PPAT: variants seen among roughly 807,000 people sequenced by gnomAD.
The protein encoded by PPAT is phosphoribosyl pyrophosphate amidotransferase.
Under a neutral mutation model 60.2 loss-of-function variants are expected in PPAT, and 20 were observed. The observed-to-expected ratio is 0.33, with a 90% CI of 0.23 to 0.48. The LOEUF is 0.48. Ranked by LOEUF, PPAT falls within the 20% of genes least tolerant of loss-of-function variation. PPAT has a pLI of 0.99. For missense variants in PPAT, 349 were observed against 629.6 expected (o/e 0.55, Z 4.77); for synonymous variants, 194 against 215.1 (o/e 0.90, Z 0.86).
intron 3 of PPAT, chr4:56,403,952 C>T (rs566276002): frequency 1.0e-5 from 4 of 401,812 alleles, no homozygotes; most frequent in Non-Finnish European, 2.0e-5. Context: ...TGGGGAGCAC[C>T]TATAAATACA....
rs28594232 is a variant in PPAT, at chr4:56,402,850, G to A, written c.661+190C>T. Among the ~76,000 whole-genome samples, 109 of 41,136 alleles carry A rather than the reference G, an allele frequency of 2.6e-3. 3 individuals carry two copies. The highest frequency in any genetic ancestry group is 1.0e-2 in the African/African-American group (102 of 10,212). 27.0% of individuals were successfully genotyped at this position (41,136 alleles called of 152,430 possible). ...AAAAAAAAAAAAAAAAAAAAAAAAGGGGGGGGACTCATCCTCAGGAGTACT... is the reference window on the plus strand; with the variant it reads ...AAAAAAAAAAAAAAAAAAAAAAAAGAGGGGGGACTCATCCTCAGGAGTACT... On this transcript the variant is annotated intron_variant, in intron 5 of 10. Transcript: ENST00000264220.
In PPAT at chr4:56,399,405, T is replaced by C; in HGVS notation, c.1015-5A>G. The C allele has an allele frequency of 6.2e-7, 1 of 1,603,964 alleles. No homozygotes were observed. Among genetic ancestry groups the C allele is most frequent in the Non-Finnish European group, 8.5e-7 (1 of 1,171,150 alleles). ...CTCCACATATGGAAGTCCACACTGA[T>C]AGAGAAGAAATGAAAGGATAATGAG... On this transcript the variant is annotated splice_polypyrimidine_tract_variant and splice_region_variant and intron_variant, in intron 8 of 10. Transcript: ENST00000264220.
chr4:56,419,099 G>C (rs1051534859), intron 1 of PPAT, among the ~76,000 whole-genome samples: 4 of 152,200 alleles, frequency 2.6e-5, no homozygotes, highest in Admixed American at 1.3e-4. Context: ...CTGGGGATGA[G>C]GGATGAGGCA....
intron 1 of PPAT, chr4:56,421,679 C>G (rs1288530649): frequency 6.6e-6 from 1 of 152,196 alleles, no homozygotes; most frequent in Non-Finnish European, 1.5e-5. Flanking sequence ...TGAGAAATCT[C>G]AAAATATTTC....
chr4:56,432,741 C>CG (rs1355785810), intron 1 of PPAT, among the ~76,000 whole-genome samples: 1 of 147,658 alleles, frequency 6.8e-6, no homozygotes, highest in Non-Finnish European at 1.5e-5. Context: ...GGGGAGACTG[C>CG]GCCACTGAAC....
In PPAT at chr4:56,419,815, T is replaced by C. The variant is rs141920038; in HGVS notation, c.129-12099A>G. The C allele has an allele frequency of 6.2e-4, 614 of 984,648 alleles. 3 individuals carry two copies. In the African/African-American group the frequency reaches 9.9e-3, roughly 16 times the overall value. 61.0% of individuals were successfully genotyped at this position (984,648 alleles called of 1,614,324 possible). A position where few individuals can be genotyped will look rare whatever the true frequency, so the allele number is the denominator to read the frequency against. On this transcript the variant is annotated intron_variant, in intron 1 of 10. Coordinates refer to ENST00000264220, the MANE Select transcript of PPAT (RefSeq NM_002703.5). ...CAAATTGCAGCCAAGCTTCAGAAAT[T>C]TGGAATAGACAGAGACTGGAAACAG...
At chr4:56,419,375 A>G (rs2110056181) in intron 1 of PPAT, among the ~76,000 whole-genome samples, 1 of 152,308 alleles carries the variant, frequency 6.6e-6, no homozygotes, top group South Asian at 2.1e-4. Context: ...GGTATACAGG[A>G]AAGATGATCA....
intron 1 of PPAT, among the ~76,000 whole-genome samples, chr4:56,432,081 A>G (rs1321212611): frequency 2.0e-5 from 3 of 152,204 alleles, no homozygotes; most frequent in Non-Finnish European, 4.4e-5. Flanking sequence ...TTGATACTCT[A>G]TTTATTTTTA....
chr4:56,411,669 A>C (rs1716470377), intron 1 of PPAT, among the ~76,000 whole-genome samples: 1 of 152,238 alleles, frequency 6.6e-6, no homozygotes, highest in African/African-American at 2.4e-5. Context: ...TTATTCAAAA[A>C]TCTGTAATAC....
chr4:56,406,716 A>T lies in PPAT; in HGVS notation c.196-15T>A. The T allele has an allele frequency of 6.3e-7, 1 of 1,582,922 alleles. No homozygotes were observed. Among genetic ancestry groups the T allele is most frequent in the East Asian group, 2.2e-5 (1 of 44,634 alleles). On this transcript the variant is annotated splice_polypyrimidine_tract_variant and intron_variant, in intron 2 of 10. Coordinates refer to ENST00000264220, the MANE Select transcript of PPAT (RefSeq NM_002703.5). Reference sequence around the variant, plus strand: ...AGACCCATTCCCTTGAGAAATCAAAAAGTGCAACTTAGAAAAAAACAGACT... The same window carrying T: ...AGACCCATTCCCTTGAGAAATCAAATAGTGCAACTTAGAAAAAAACAGACT...
chr4:56,410,899 T>TAAAA (rs35668849), intron 1 of PPAT: 128 of 678,524 alleles, frequency 1.9e-4, no homozygotes, highest in East Asian at 1.0e-3. Flanking sequence ...CCACTGAAGG[T>TAAAA]AAAAAAAAAA....
intron 3 of PPAT, chr4:56,404,008 C>T (rs1201078818): frequency 6.7e-6 from 3 of 445,280 alleles, no homozygotes; most frequent in South Asian, 3.2e-5. Context: ...TGGCCTGGTT[C>T]CTAACAAGCC....
rs953103453 is a variant in PPAT, at chr4:56,435,187, C to A, written c.128+163G>T. On this transcript the variant is annotated intron_variant, in intron 1 of 10. Transcript: ENST00000264220. ...AAGTTCATGGAAGCGAGGTGCCCCT[C>A]GTGCACGCCTAGGCAACCCGGTCGA... Among the ~76,000 whole-genome samples, 3 of 152,196 alleles carry A rather than the reference C, an allele frequency of 2.0e-5. No homozygotes were observed. In the South Asian group the frequency reaches 6.2e-4, roughly 32 times the overall value.
chr4:56,399,366 T>C lies in PPAT; in HGVS notation c.1049A>G (p.Asn350Ser). ...GLPYVEVLCK[N>S]RYVGRTFIQP... ...AATGAAGGTTCTCCCTACATACCGG[T>C]TTTTACACAGCACCTCCACATATGG... Residue 350 changes from asparagine to serine, a missense_variant, in exon 9 of 11, where the codon AAC becomes AGC. Asn to Ser is a conservative substitution (Grantham distance 46). Coordinates refer to ENST00000264220, the MANE Select transcript of PPAT (RefSeq NM_002703.5). 1 of 1,613,916 alleles carries C rather than the reference T, an allele frequency of 6.2e-7. No individual in the cohort carries two copies. Among genetic ancestry groups the C allele is most frequent in the Non-Finnish European group, 8.5e-7 (1 of 1,179,880 alleles).
Position 56,395,079 on chromosome 4 carries a change from G to T in PPAT, c.*273C>A. On this transcript the variant is annotated 3_prime_UTR_variant, in exon 11 of 11. Transcript: ENST00000264220. Reference sequence around the variant, plus strand: ...AAGCATGGACTTGGGAAATGTCAGTGACCACCTGCCTTCTCTGACCAGGTT... The same window carrying T: ...AAGCATGGACTTGGGAAATGTCAGTTACCACCTGCCTTCTCTGACCAGGTT... 1 of 336,488 alleles carries T rather than the reference G, an allele frequency of 3.0e-6. No homozygotes were observed. Among genetic ancestry groups the T allele is most frequent in the Non-Finnish European group, 5.3e-6 (1 of 187,192 alleles). 20.8% of individuals were successfully genotyped at this position (336,488 alleles called of 1,614,324 possible). A position where few individuals can be genotyped will look rare whatever the true frequency, so the allele number is the denominator to read the frequency against.
intron 1 of PPAT, among the ~76,000 whole-genome samples, chr4:56,435,143 G>A (rs1465651661): frequency 6.6e-6 from 1 of 152,240 alleles, no homozygotes; most frequent in Admixed American, 6.5e-5. Context: ...GTGGCTGGGA[G>A]GGTGGGCAGG....
In PPAT at chr4:56,406,484, A is replaced by T. The variant is rs373985163; in HGVS notation, c.402+11T>A. The T allele has an allele frequency of 1.5e-5, 24 of 1,607,352 alleles. No homozygotes were observed. In the African/African-American group the frequency reaches 3.1e-4, roughly 21 times the overall value. On this transcript the variant is annotated intron_variant, in intron 3 of 10. Transcript: ENST00000264220. Reference sequence around the variant, plus strand: ...TAAAAAGGCCTAGGGAAAACAAACAAACAAACGTACCTTTTTCCTTAATCG... The same window carrying T: ...TAAAAAGGCCTAGGGAAAACAAACATACAAACGTACCTTTTTCCTTAATCG...
intron 1 of PPAT, among the ~76,000 whole-genome samples, chr4:56,432,420 C>T (rs6811652): frequency 0.37 from 55,227 of 150,116 alleles, 10,583 homozygotes; most frequent in Non-Finnish European, 0.44. Context: ...CCCAGCTACT[C>T]GGGAGACAGG....
At chr4:56,395,690 GAAA>G in intron 10 of PPAT, 142 bp from the exon 11 acceptor site, 2 of 519,232 alleles carry the variant, frequency 3.9e-6, no homozygotes, top group Non-Finnish European at 5.8e-6. Context: ...AAAAAAAAAG[GAAA>G]AAAAATCAAT....
Sources: gnomAD v4.1 joint callset for allele counts (sites outside exome capture counted in the v4.1 genomes callset) on GRCh38, gnomAD v4.1.1 for gene constraint, MANE v1.5 for transcripts, NCBI Gene and HGNC (gene_info 2026-07-23, HGNC 2026-07-21) for gene names.